Variants in AAK1 observed in about 807,000 individuals in gnomAD.
AAK1 encodes the protein AP2 associated kinase 1, also known as AP2-associated protein kinase 1.
In AAK1, 37 loss-of-function variants were observed where a neutral mutation model predicts 116.0. The ratio of observed to expected loss-of-function variants is 0.32; its 90% CI spans 0.25 to 0.42. AAK1 has a LOEUF of 0.42. AAK1 is among the 10% of genes least tolerant of loss of function. AAK1 has a pLI of 1.00. For missense variants in AAK1, 919 were observed against 1,170.6 expected (o/e 0.79, Z 3.14); for synonymous variants, 458 against 439.9 (o/e 1.04, Z -0.51).
chr2:69,510,832 AACTGGC>A (rs1676364367), intron 13 of AAK1, among the ~76,000 whole-genome samples: 1 of 152,218 alleles, frequency 6.6e-6, no homozygotes, highest in South Asian at 2.1e-4. Context: ...AATATTGAAG[AACTGGC>A]AGAGAATATA....
intron 8 of AAK1, 56 bp from the exon 9 acceptor site, chr2:69,527,375 A>T (rs1449757998): frequency 8.5e-7 from 1 of 1,174,142 alleles, no homozygotes; most frequent in Non-Finnish European, 1.2e-6. Context: ...TACACTAGCT[A>T]GGAAGCATCA....
chr2:69,498,929 T>C (rs4852232), intron 16 of AAK1, among the ~76,000 whole-genome samples: 46,866 of 152,120 alleles, frequency 0.31, 8,564 homozygotes, highest in East Asian at 0.53. Flanking sequence ...CAAGGGCCAA[T>C]AGGGACAGAC....
chr2:69,595,722 T>C (rs1250892826), intron 2 of AAK1, among the ~76,000 whole-genome samples: 1 of 152,238 alleles, frequency 6.6e-6, no homozygotes, highest in African/African-American at 2.4e-5. Context: ...ATAAGACCAT[T>C]GATGAAGGTG....
chr2:69,535,696 AGG>A (rs1184020943), intron 5 of AAK1, among the ~76,000 whole-genome samples: 1 of 151,976 alleles, frequency 6.6e-6, no homozygotes, highest in African/African-American at 2.4e-5. Flanking sequence ...AGTAGCACAA[AGG>A]CCCTGAGATG....
chr2:69,585,545 A>T (rs1329157106), intron 2 of AAK1, among the ~76,000 whole-genome samples: 1 of 152,168 alleles, frequency 6.6e-6, no homozygotes, highest in African/African-American at 2.4e-5. Context: ...CATCACTGCA[A>T]TTCTCAGACT....
chr2:69,632,079 T>G (rs1366361777), intron 2 of AAK1, among the ~76,000 whole-genome samples: 1 of 152,176 alleles, frequency 6.6e-6, no homozygotes, highest in Non-Finnish European at 1.5e-5. Context: ...AGTATCACCT[T>G]ACAAGCTAAT....
intron 2 of AAK1, chr2:69,598,998 TG>T: frequency 5.5e-6 from 2 of 364,782 alleles, no homozygotes; most frequent in South Asian, 2.4e-5. Flanking sequence ...TGACACTTTG[TG>T]GAAAGTGTTA....
rs1431186478 is a variant in AAK1, at chr2:69,463,541, T to C, written c.*12328A>G. 6.6e-6 allele frequency: 1 copy of C among 152,180 alleles called. No homozygotes were observed. The highest frequency in any genetic ancestry group is 1.5e-5 in the Non-Finnish European group (1 of 68,056). The allele number at this position is 152,180 out of a possible 1,614,324, so 9.4% of individuals were successfully genotyped here. A position where few individuals can be genotyped will look rare whatever the true frequency, so the allele number is the denominator to read the frequency against. The stretch of plus-strand genomic sequence containing the variant: ...TTTTATTTAATTTTATTTTTTAGAC[T>C]CGCTCTGTCGCCCAGGCCAGAGTGC... On this transcript the variant is annotated 3_prime_UTR_variant, in exon 22 of 22. Transcript: ENST00000409085.
intron 2 of AAK1, among the ~76,000 whole-genome samples, chr2:69,588,959 A>G (rs554086821): frequency 1.3e-5 from 2 of 152,370 alleles, no homozygotes; most frequent in African/African-American, 4.8e-5. Flanking sequence ...TGCTTTTTAG[A>G]TGCCTTTTAG....
chr2:69,621,635 GGTTT>G (rs895802330), intron 2 of AAK1, among the ~76,000 whole-genome samples: 2 of 152,156 alleles, frequency 1.3e-5, no homozygotes, highest in African/African-American at 4.8e-5. Context: ...GTTTTGGGGT[GGTTT>G]GTTATACAGC....
chr2:69,479,847 C>T (rs958507193), intron 19 of AAK1, among the ~76,000 whole-genome samples: 1 of 152,198 alleles, frequency 6.6e-6, no homozygotes, highest in African/African-American at 2.4e-5. Flanking sequence ...CCTCTGCCTT[C>T]TGGGTTCAAG....
chr2:69,550,596 CT>C (rs989152224), intron 3 of AAK1, among the ~76,000 whole-genome samples: 5 of 148,216 alleles, frequency 3.4e-5, no homozygotes, highest in East Asian at 4.0e-4. Context: ...TGCCCGGCCT[CT>C]TTTTTTTTTC....
Position 69,475,895 on chromosome 2 carries a change from G to C in AAK1, c.2860C>G (p.Leu954Val). The C allele has an allele frequency of 6.2e-7, 1 of 1,612,190 alleles. No individual in the cohort carries two copies. The highest frequency in any genetic ancestry group is 1.1e-5 in the South Asian group (1 of 90,490). ...SLPNLARSLL[L>V]VDQLIDL is the part of the protein sequence containing the mutation. ...TACAGGTCTATGAGCTGATCCACCAGCAGTAAAGACCTGGCTAGGTTGGGA... is the reference window on the plus strand; with the variant it reads ...TACAGGTCTATGAGCTGATCCACCACCAGTAAAGACCTGGCTAGGTTGGGA... Residue 954 changes from leucine to valine, a missense_variant, in exon 22 of 22, where the codon CTG (leucine) becomes GTG (valine). This residue lies in a region of AAK1 where 263 missense variants were observed against 285.5 expected (regional missense o/e 0.92). Coordinates refer to ENST00000409085, the MANE Select transcript of AAK1 (RefSeq NM_014911.5).
At chr2:69,495,806 G>A (rs1404021891) in intron 17 of AAK1, among the ~76,000 whole-genome samples, 179 bp downstream of exon 17, 2 of 152,128 alleles carry the variant, frequency 1.3e-5, no homozygotes, top group Non-Finnish European at 2.9e-5. Flanking sequence ...CTAAGGGCTG[G>A]TACCCTCCAG....
rs150316551 is a variant in AAK1 at position 69,535,095 on chromosome 2, T to C, written c.535-2933A>G. ...ATCTTCCTCCTCGGCCTCATGCACC[T>C]GGCAGGGCTCATCTAAAACCATGCT... On this transcript the variant is annotated intron_variant, in intron 5 of 21. Coordinates refer to ENST00000409085, the MANE Select transcript of AAK1 (RefSeq NM_014911.5). 6.4e-3 allele frequency among the ~76,000 whole-genome samples: 972 copies of C among 152,348 alleles called. 22 individuals are homozygous for C. Among genetic ancestry groups the C allele is most frequent in the Admixed American group, 0.012 (184 of 15,296 alleles).
At chr2:69,514,801 C>A in intron 12 of AAK1, 52 bp from the exon 13 acceptor site, 1 of 1,488,264 alleles carries the variant, frequency 6.7e-7, no homozygotes, top group Non-Finnish European at 9.0e-7. Context: ...ATAATAGTCA[C>A]AAAAGACAAA....
intron 3 of AAK1, among the ~76,000 whole-genome samples, chr2:69,552,496 T>C (rs1269872185): frequency 2.0e-5 from 3 of 152,074 alleles, no homozygotes; most frequent in African/African-American, 7.2e-5. Flanking sequence ...GCAAATCACT[T>C]GGGTCAGGAG....
chr2:69,531,795 C>T (rs1985342), intron 6 of AAK1: 403,556 of 1,222,190 alleles, frequency 0.33, 71,333 homozygotes, highest in East Asian at 0.71. Flanking sequence ...CATCTATGTA[C>T]AATGACCACA....
Position 69,473,093 on chromosome 2 carries a change from T to G in AAK1, c.*2776A>C. 1.1e-6 allele frequency: 1 copy of G among 920,502 alleles called. No homozygotes were observed. Among genetic ancestry groups the G allele is most frequent in the Non-Finnish European group, 1.3e-6 (1 of 770,614 alleles). 57.0% of individuals were successfully genotyped at this position (920,502 alleles called of 1,614,324 possible). A position where few individuals can be genotyped will look rare whatever the true frequency, so the allele number is the denominator to read the frequency against. On this transcript the variant is annotated 3_prime_UTR_variant, in exon 22 of 22. Coordinates refer to ENST00000409085, the MANE Select transcript of AAK1 (RefSeq NM_014911.5). Reference sequence around the variant, plus strand: ...TTCTATAATCTTAAAGACCATCTAGTCCAAACCCATCGTATAACTCTAAGG... The same window carrying G: ...TTCTATAATCTTAAAGACCATCTAGGCCAAACCCATCGTATAACTCTAAGG...
Sources: allele counts gnomAD v4.1 joint callset (sites outside exome capture counted in the v4.1 genomes callset), GRCh38; gene constraint gnomAD v4.1.1; regional missense constraint gnomAD v4.1.1; transcripts MANE v1.5; gene names NCBI Gene and HGNC (gene_info 2026-07-23, HGNC 2026-07-21).